Variants in BOC observed in about 807,000 individuals in gnomAD.
The protein encoded by BOC is brother of CDO.
Under a neutral mutation model 112.0 loss-of-function variants are expected in BOC, and 76 were observed. The ratio of observed to expected loss-of-function variants is 0.68; its 90% confidence interval spans 0.56 to 0.82. The LOEUF is 0.82. BOC is among the 40% of genes least tolerant of loss of function. The pLI is 0.00. For synonymous variants in BOC, 580 were observed against 599.8 expected (o/e 0.97, Z 0.48); for missense variants, 1,309 against 1,511.7 (o/e 0.87, Z 2.22).
intron 4 of BOC, among the ~76,000 whole-genome samples, chr3:113,264,984 A>G (rs994550752): frequency 3.9e-5 from 6 of 152,320 alleles, no homozygotes; most frequent in Non-Finnish European, 7.4e-5. Context: ...ACATGTTGGC[A>G]TCAGAACAGA....
intron 2 of BOC, among the ~76,000 whole-genome samples, chr3:113,227,632 A>G (rs1941881496): frequency 6.6e-6 from 1 of 152,196 alleles, no homozygotes; most frequent in South Asian, 2.1e-4. Flanking sequence ...GCCTTAATTG[A>G]AAGGACATTG....
Position 113,281,062 on chromosome 3 carries a change from GC to G in BOC, c.2344del (p.Gln782SerfsTer24). Reference sequence around the variant, plus strand: ...AGTACTGGCACTCCATCAGCCACCTGCAGCCAGAGACCTCCTACGACATTAA... The same window carrying G: ...AGTACTGGCACTCCATCAGCCACCTGAGCCAGAGACCTCCTACGACATTAA... ...DKYWHSISHL[Q>X]PETSYDIKMQ... is the part of the protein sequence containing the mutation. On this transcript the variant is annotated frameshift_variant, in exon 15 of 20. Coordinates refer to ENST00000682979, the MANE Select transcript of BOC (RefSeq NM_001378074.1). LOFTEE classifies it high-confidence loss of function. 6.2e-7 allele frequency: 1 copy of G among 1,614,102 alleles called. No homozygotes were observed. The highest frequency in any genetic ancestry group is 1.1e-5 in the South Asian group (1 of 91,078).
At chr3:113,251,775 G>T (rs9849714) in intron 4 of BOC, 34 of 152,022 alleles carry the variant, frequency 2.2e-4, no homozygotes, top group African/African-American at 7.5e-4. Context: ...CCTAATAACC[G>T]CTCTTATTTC....
At chr3:113,247,248 T>C (rs977105692) in intron 2 of BOC, among the ~76,000 whole-genome samples, 1 of 152,052 alleles carries the variant, frequency 6.6e-6, no homozygotes, top group African/African-American at 2.4e-5. Flanking sequence ...CTGGGGAAAT[T>C]GGGGCATGAC....
chr3:113,213,459 T>C (rs950837905), intron 1 of BOC, among the ~76,000 whole-genome samples: 3 of 152,222 alleles, frequency 2.0e-5, no homozygotes, highest in Non-Finnish European at 2.9e-5. Flanking sequence ...CTGTGATGGT[T>C]TTTTTCATCC....
chr3:113,272,809 G>T, intron 7 of BOC, 106 bp downstream of exon 7: 7 of 1,356,994 alleles, frequency 5.2e-6, no homozygotes, highest in South Asian at 4.1e-5. Context: ...CTTGTGAAAG[G>T]CCACATGCTG....
intron 2 of BOC, among the ~76,000 whole-genome samples, chr3:113,235,803 T>G: frequency 6.6e-6 from 1 of 152,208 alleles, no homozygotes. Flanking sequence ...AGAATATTTT[T>G]TGAACTTCTG....
Position 113,272,689 on chromosome 3 carries a change from A to T in BOC, c.947A>T (p.Asn316Ile). ...CCCGGGGCAGCGGTCATCCTCTACAATGTCCAGGTGTTTGGTGAGTGTCTG... is the reference window on the plus strand; with the variant it reads ...CCCGGGGCAGCGGTCATCCTCTACATTGTCCAGGTGTTTGGTGAGTGTCTG... ...GQPGAAVILY[N>I]VQVFEPPEVT... Residue 316 changes from asparagine to isoleucine, a missense_variant, in exon 7 of 20, where the codon AAT (asparagine) becomes ATT (isoleucine). Physicochemically the swap from Asn to Ile is moderately radical, Grantham distance 149 (BLOSUM62 -3). Transcript: ENST00000682979. 6.2e-7 allele frequency: 1 copy of T among 1,613,042 alleles called. No homozygotes were observed. Among genetic ancestry groups the T allele is most frequent in the Non-Finnish European group, 8.5e-7 (1 of 1,179,754 alleles).
Position 113,216,239 on chromosome 3 carries a change from A to C in BOC, c.-117A>C, listed in dbSNP as rs973414275. 1 of 456,570 alleles carries C rather than the reference A, an allele frequency of 2.2e-6. No individual in the cohort carries two copies. Among genetic ancestry groups the C allele is most frequent in the African/African-American group, 2.0e-5 (1 of 50,058 alleles). The allele number at this position is 456,570 out of a possible 1,614,324, so 28.3% of individuals were successfully genotyped here. ...GACCCATGAAGTCTTGTCGACATTT[A>C]TACCGTCTGAGGGTAGCAGCTCGAA... On this transcript the variant is annotated 5_prime_UTR_variant, in exon 2 of 20. Coordinates refer to ENST00000682979, the MANE Select transcript of BOC (RefSeq NM_001378074.1).
intron 4 of BOC, among the ~76,000 whole-genome samples, chr3:113,267,015 G>A (rs1243740613): frequency 6.6e-6 from 1 of 152,226 alleles, no homozygotes; most frequent in African/African-American, 2.4e-5. Flanking sequence ...GGAAACAACA[G>A]CAGAGGCAGG....
intron 2 of BOC, among the ~76,000 whole-genome samples, chr3:113,232,223 C>T (rs1287205007): frequency 1.3e-5 from 2 of 152,176 alleles, no homozygotes; most frequent in African/African-American, 4.8e-5. Flanking sequence ...TCTGCATGTG[C>T]CAGCCTTGCA....
At chr3:113,234,182 G>A (rs1020713877) in intron 2 of BOC, among the ~76,000 whole-genome samples, 9 of 152,236 alleles carry the variant, frequency 5.9e-5, no homozygotes, top group Non-Finnish European at 1.5e-5. Context: ...CTGACACATA[G>A]ACTTCTGTTA....
intron 2 of BOC, among the ~76,000 whole-genome samples, chr3:113,247,137 A>G (rs1315665908): frequency 6.6e-6 from 1 of 151,488 alleles, no homozygotes; most frequent in African/African-American, 2.4e-5. Context: ...CTTTATGTTC[A>G]TTTTCTGTCT....
intron 2 of BOC, among the ~76,000 whole-genome samples, chr3:113,228,728 G>T (rs193276352): frequency 2.0e-5 from 3 of 152,294 alleles, no homozygotes. Context: ...GGTCAGGGCT[G>T]GGTGGGGTAT....
intron 8 of BOC, among the ~76,000 whole-genome samples, chr3:113,273,735 T>C (rs984695540): frequency 1.3e-5 from 2 of 152,146 alleles, no homozygotes; most frequent in Non-Finnish European, 2.9e-5. Flanking sequence ...AGAACTCCCC[T>C]ATGGAGACGA....
At position 113,278,672 on chromosome 3, in the gene BOC, G is replaced by T; in HGVS notation, c.1706-1G>T. The stretch of plus-strand genomic sequence containing the variant: ...GCTGACTACAACCCATTTCCACCCA[G>T]GACGGCGGCCCAAACCCGAGATCAT... On this transcript the variant is annotated splice_acceptor_variant, in intron 10 of 19. Coordinates refer to ENST00000682979, the MANE Select transcript of BOC (RefSeq NM_001378074.1). LOFTEE classifies it high-confidence loss of function. This position sits in a 1 kb window ranked among gnomAD's most constrained non-coding sequence, Gnocchi z 4.2. The T allele has an allele frequency of 6.4e-7, 1 of 1,558,378 alleles. No homozygotes were observed. Among genetic ancestry groups the T allele is most frequent in the Admixed American group, 1.9e-5 (1 of 52,064 alleles).
chr3:113,246,277 A>AT (rs1230509859), intron 2 of BOC, among the ~76,000 whole-genome samples: 1 of 152,132 alleles, frequency 6.6e-6, no homozygotes, highest in African/African-American at 2.4e-5. Context: ...TGATTTTGAT[A>AT]TTTTTTTCTT....
chr3:113,211,555 T>C (rs1217304019), upstream of BOC: 2 of 152,290 alleles, frequency 1.3e-5, no homozygotes, highest in African/African-American at 4.8e-5. Context: ...GTTTGCGAGT[T>C]CAGTCATCCA....
chr3:113,258,974 G>A (rs777770785), intron 4 of BOC, among the ~76,000 whole-genome samples: 1 of 152,210 alleles, frequency 6.6e-6, no homozygotes, highest in Non-Finnish European at 1.5e-5. Flanking sequence ...GTTTTCTACT[G>A]GATGCAGGCA....
Sources: gnomAD v4.1 joint callset for allele counts (sites outside exome capture counted in the v4.1 genomes callset) on GRCh38, gnomAD v4.1.1 for gene constraint, Gnocchi (gnomAD v3.1) non-coding constraint, MANE v1.5 for transcripts, NCBI Gene and HGNC (gene_info 2026-07-23, HGNC 2026-07-21) for gene names.